Variants in HACD2 observed in about 807,000 individuals in gnomAD.
HACD2 encodes the protein 3-hydroxyacyl-CoA dehydratase 2.
Under a neutral mutation model 31.0 loss-of-function variants are expected in HACD2, and 15 were observed. The ratio of observed to expected loss-of-function variants is 0.48; its 90% CI spans 0.32 to 0.75. The LOEUF is 0.75. HACD2 is among the 30% of genes least tolerant of loss of function. The pLI is 0.03. For missense variants in HACD2, 283 were observed against 313.0 expected, an observed-to-expected ratio of 0.90 and a Z score of 0.72; for synonymous variants, 115 against 122.2, an observed-to-expected ratio of 0.94 and a Z score of 0.39.
At chr3:123,567,266 T>C (rs2107747511) in intron 3 of HACD2, among the ~76,000 whole-genome samples, 1 of 152,340 alleles carries the variant, frequency 6.6e-6, no homozygotes, top group African/African-American at 2.4e-5. Context: ...AAACATATTG[T>C]ATCTGCTTTT....
At chr3:123,503,263 A>T (rs1191953628) in intron 4 of HACD2, among the ~76,000 whole-genome samples, 1 of 105,900 alleles carries the variant, frequency 9.4e-6, no homozygotes, top group Non-Finnish European at 1.9e-5. Context: ...AGACTGTCTC[A>T]AAAAAAAAAA....
chr3:123,509,288 A>G (rs73188539), intron 4 of HACD2, among the ~76,000 whole-genome samples: 24,232 of 151,858 alleles, frequency 0.16, 2,104 homozygotes, highest in Non-Finnish European at 0.2. Flanking sequence ...GAATCACCTG[A>G]GCCCGGAAAG....
chr3:123,512,002 G>A (rs2056069821), intron 4 of HACD2, among the ~76,000 whole-genome samples: 1 of 152,146 alleles, frequency 6.6e-6, no homozygotes, highest in Admixed American at 6.5e-5. Context: ...TCCCCCATGA[G>A]TGGAAGCAGC....
rs550862979 is a variant in HACD2 at position 123,509,862 on chromosome 3, C to T, written c.382-7181G>A. Among the ~76,000 whole-genome samples the T allele has an allele frequency of 4.0e-5, 6 of 151,626 alleles. No homozygotes were observed. The South Asian group carries it at 6.2e-4, about 16-fold the overall frequency. On this transcript the variant is annotated intron_variant, in intron 4 of 6. Transcript: ENST00000383657. ...TTCTCTGACAGATTGTGTGGGGAGG[C>T]GGGGAGAAGGGAGTCAATGTCTATC...
intron 3 of HACD2, among the ~76,000 whole-genome samples, chr3:123,556,018 T>A (rs2056669042): frequency 6.6e-6 from 1 of 152,058 alleles, no homozygotes; most frequent in Non-Finnish European, 1.5e-5. Flanking sequence ...TAAATAAAAC[T>A]AGACACAGAC....
Position 123,585,030 on chromosome 3 carries a change from C to A in HACD2, c.-3G>T. On this transcript the variant is annotated 5_prime_UTR_variant, in exon 1 of 7. Coordinates refer to ENST00000383657, the MANE Select transcript of HACD2 (RefSeq NM_198402.5). ...GCAGTCGCCGCCACTGCCGCCATGTCAAGTGCCCGAAGCCCGCTCTCCTAG... is the reference window on the plus strand; with the variant it reads ...GCAGTCGCCGCCACTGCCGCCATGTAAAGTGCCCGAAGCCCGCTCTCCTAG... 2 of 1,487,990 alleles carry A rather than the reference C, an allele frequency of 1.3e-6. No homozygotes were observed. The highest frequency in any genetic ancestry group is 1.8e-6 in the Non-Finnish European group (2 of 1,121,106). The allele number at this position is 1,487,990 out of a possible 1,614,324, so 92.2% of individuals were successfully genotyped here. A position where few individuals can be genotyped will look rare whatever the true frequency, so the allele number is the denominator to read the frequency against.
chr3:123,499,434 TAA>T (rs2055876322), intron 6 of HACD2: 1 of 326,112 alleles, frequency 3.1e-6, no homozygotes, highest in South Asian at 2.6e-5. Context: ...TCAACATGAA[TAA>T]AGAGTGGAAA....
intron 4 of HACD2, among the ~76,000 whole-genome samples, chr3:123,523,021 G>A (rs2056235734): frequency 6.6e-6 from 1 of 152,184 alleles, no homozygotes; most frequent in African/African-American, 2.4e-5. Flanking sequence ...GTTCACGGAT[G>A]GCGCATGCTG....
At chr3:123,547,958 C>T (rs2056579350) in intron 3 of HACD2, among the ~76,000 whole-genome samples, 2 of 152,050 alleles carry the variant, frequency 1.3e-5, no homozygotes, top group Non-Finnish European at 2.9e-5. Context: ...TACTAAAGCA[C>T]ACAGTAAGCA....
At chr3:123,502,949 T>C (rs1313652247) in intron 4 of HACD2, 1 of 361,906 alleles carries the variant, frequency 2.8e-6, no homozygotes, top group African/African-American at 2.0e-5. Context: ...GGGGTGGGGA[T>C]TTACAGGTTT....
At chr3:123,503,482 C>G (rs550995510) in intron 4 of HACD2, among the ~76,000 whole-genome samples, 2 of 152,006 alleles carry the variant, frequency 1.3e-5, no homozygotes, top group Non-Finnish European at 2.9e-5. Flanking sequence ...TTTGAAATCC[C>G]CAGTCTCCTC....
chr3:123,541,656 T>C (rs1048079070), intron 3 of HACD2, among the ~76,000 whole-genome samples: 7 of 152,160 alleles, frequency 4.6e-5, no homozygotes, highest in African/African-American at 1.4e-4. Flanking sequence ...CAACACTTGA[T>C]AGATGTGAGG....
intron 3 of HACD2, among the ~76,000 whole-genome samples, chr3:123,541,682 G>A (rs2056492288): frequency 6.6e-6 from 1 of 152,208 alleles, no homozygotes; most frequent in African/African-American, 2.4e-5. Flanking sequence ...AGAAGGTAAA[G>A]TGACTTGCCA....
rs573870361 is a variant in HACD2, at chr3:123,537,230, T to C, written c.293-8756A>G. ...TAAGAGATGTTATGTAAAATGAAAATATAGGTAAACATAATTTGAATCTAG... is the reference window on the plus strand; with the variant it reads ...TAAGAGATGTTATGTAAAATGAAAACATAGGTAAACATAATTTGAATCTAG... On this transcript the variant is annotated intron_variant, in intron 3 of 6. Coordinates refer to ENST00000383657, the MANE Select transcript of HACD2 (RefSeq NM_198402.5). 3.9e-5 allele frequency among the ~76,000 whole-genome samples: 6 copies of C among 152,280 alleles called. No homozygotes were observed. In the South Asian group the frequency reaches 1.2e-3, roughly 32 times the overall value.
intron 4 of HACD2, among the ~76,000 whole-genome samples, chr3:123,505,602 C>A (rs1343179702): frequency 6.6e-6 from 1 of 152,138 alleles, no homozygotes; most frequent in Non-Finnish European, 1.5e-5. Context: ...CAGGAGCCAA[C>A]AGGGTGTGAG....
chr3:123,500,780 T>G (rs949567967), intron 5 of HACD2, 87 bp from the exon 6 acceptor site: 11 of 742,696 alleles, frequency 1.5e-5, no homozygotes, highest in Non-Finnish European at 2.1e-5. Flanking sequence ...TCAGTACTGG[T>G]CTTTTAGAAA....
chr3:123,501,594 A>G (rs2055902823), intron 5 of HACD2, among the ~76,000 whole-genome samples: 1 of 152,150 alleles, frequency 6.6e-6, no homozygotes, highest in African/African-American at 2.4e-5. Context: ...GTGGAAAAAA[A>G]TCTTTCAGAG....
intron 2 of HACD2, among the ~76,000 whole-genome samples, chr3:123,577,938 T>A (rs936981450): frequency 6.6e-6 from 1 of 152,224 alleles, no homozygotes; most frequent in Admixed American, 6.5e-5. Flanking sequence ...TAGTGGTTTT[T>A]AATATGTTCA....
At chr3:123,542,146 C>CAAAAAAAAAAAAAAAAAAAAAAAAA (rs11391480) in intron 3 of HACD2, among the ~76,000 whole-genome samples, 1 of 41,102 alleles carries the variant, frequency 2.4e-5, no homozygotes, top group Non-Finnish European at 3.4e-5. Flanking sequence ...GACTCCGTCT[C>CAAAAAAAAAAAAAAAAAAAAAAAAA]AAAAAAAAAA....
Sources: gnomAD v4.1 joint callset for allele counts (sites outside exome capture counted in the v4.1 genomes callset) on GRCh38, gnomAD v4.1.1 for gene constraint, MANE v1.5 for transcripts, NCBI Gene and HGNC (gene_info 2026-07-23, HGNC 2026-07-21) for gene names.